Variants in SLC2A13 observed in about 807,000 individuals in gnomAD.
SLC2A13 encodes the protein solute carrier family 2 member 13, also known as proton myo-inositol cotransporter.
SLC2A13 carries 32 observed loss-of-function variants against 64.4 expected under a neutral mutation model. That is an observed-to-expected ratio of 0.50 (90% confidence interval 0.37 to 0.67). The LOEUF (loss-of-function observed/expected upper bound fraction) is 0.67, where lower values mean the gene tolerates loss of function less well. SLC2A13 is among the 30% of genes least tolerant of loss of function. SLC2A13 has a pLI of 0.00. For missense variants in SLC2A13, 743 were observed against 829.2 expected (o/e 0.90, Z 1.28); for synonymous variants, 338 against 327.1 (o/e 1.03, Z -0.36).
intron 4 of SLC2A13, among the ~76,000 whole-genome samples, chr12:39,926,077 A>C (rs1238554255): frequency 6.6e-6 from 1 of 152,164 alleles, no homozygotes; most frequent in African/African-American, 2.4e-5. Context: ...TACTCATAAC[A>C]CTGAAGCAAA....
chr12:39,919,293 A>G (rs2136052732), intron 4 of SLC2A13, among the ~76,000 whole-genome samples: 1 of 152,262 alleles, frequency 6.6e-6, no homozygotes, highest in Middle Eastern at 3.4e-3. Context: ...TTCTTGGCCA[A>G]TGCTTAAGTA....
intron 5 of SLC2A13, among the ~76,000 whole-genome samples, chr12:39,868,950 C>A (rs1410482479): frequency 6.6e-6 from 1 of 152,018 alleles, no homozygotes; most frequent in East Asian, 1.9e-4. Flanking sequence ...AAAAAATCAT[C>A]TTGATATAAC....
intron 7 of SLC2A13, among the ~76,000 whole-genome samples, chr12:39,801,966 T>G (rs1463881763): frequency 6.6e-6 from 1 of 152,170 alleles, no homozygotes; most frequent in Non-Finnish European, 1.5e-5. Context: ...CCCACAGAGC[T>G]TAGAATCTAG....
At chr12:40,040,547 T>G (rs1383656402) in intron 2 of SLC2A13, among the ~76,000 whole-genome samples, 1 of 152,152 alleles carries the variant, frequency 6.6e-6, no homozygotes, top group East Asian at 1.9e-4. Context: ...TGTGCCACTA[T>G]ATCCAGCTAA....
chr12:39,784,580 T>C (rs934106455), intron 7 of SLC2A13, among the ~76,000 whole-genome samples: 5 of 152,182 alleles, frequency 3.3e-5, no homozygotes, highest in Non-Finnish European at 7.3e-5. Context: ...TAATTCAAAA[T>C]GGATTAAATA....
intron 4 of SLC2A13, among the ~76,000 whole-genome samples, chr12:39,913,603 T>C (rs1403281974): frequency 1.3e-5 from 2 of 151,492 alleles, no homozygotes; most frequent in African/African-American, 4.8e-5. Context: ...ATTAACCAAA[T>C]GAAATATTAA....
chr12:40,033,054 G>A lies in SLC2A13; in HGVS notation c.717-4545C>T, dbSNP rs145366502. Among the ~76,000 whole-genome samples, 443 of 152,312 alleles carry A rather than the reference G, an allele frequency of 2.9e-3. 5 individuals carry two copies. The highest frequency in any genetic ancestry group is 1.0e-2 in the African/African-American group (415 of 41,552). ...CGTGTGCCAAGCACTGTTCAGAACAGTTAGGAAACATTTACTCCCATGATT... is the reference window on the plus strand; with the variant it reads ...CGTGTGCCAAGCACTGTTCAGAACAATTAGGAAACATTTACTCCCATGATT... On this transcript the variant is annotated intron_variant, in intron 2 of 9. Transcript: ENST00000280871.
intron 1 of SLC2A13, among the ~76,000 whole-genome samples, chr12:40,062,083 G>T (rs1948432705): frequency 6.6e-6 from 1 of 152,038 alleles, no homozygotes; most frequent in Non-Finnish European, 1.5e-5. Context: ...ATAAATGGTG[G>T]TGAGACAACT....
At chr12:39,804,746 T>C (rs1373846362) in intron 7 of SLC2A13, among the ~76,000 whole-genome samples, 3 of 152,148 alleles carry the variant, frequency 2.0e-5, no homozygotes, top group Admixed American at 1.3e-4. Context: ...ATGTCTAGAA[T>C]GGAGCTTACA....
intron 4 of SLC2A13, among the ~76,000 whole-genome samples, chr12:39,889,983 C>T (rs1170158567): frequency 6.6e-6 from 1 of 152,140 alleles, no homozygotes; most frequent in Non-Finnish European, 1.5e-5. Context: ...TAATATTTTA[C>T]ACTTCTACAT....
At chr12:39,819,790 C>T (rs1368631754) in intron 7 of SLC2A13, 1 of 152,496 alleles carries the variant, frequency 6.6e-6, no homozygotes, top group Admixed American at 6.6e-5. Flanking sequence ...AGGATAAATG[C>T]TCCTTTCAAT....
intron 4 of SLC2A13, among the ~76,000 whole-genome samples, chr12:39,887,615 G>C (rs1944502276): frequency 6.6e-6 from 1 of 152,218 alleles, no homozygotes; most frequent in Non-Finnish European, 1.5e-5. Context: ...CCAGAGGGTA[G>C]ACGTCCTTCT....
intron 3 of SLC2A13, among the ~76,000 whole-genome samples, chr12:40,014,941 G>A (rs1947598917): frequency 6.6e-6 from 1 of 152,156 alleles, no homozygotes; most frequent in Non-Finnish European, 1.5e-5. Flanking sequence ...AATTTTCTAA[G>A]ACCGCTGAAT....
Position 39,757,648 on chromosome 12 carries a change from A to T in SLC2A13, c.*2378T>A, listed in dbSNP as rs989081447. The T allele has an allele frequency of 6.6e-6, 1 of 152,018 alleles. No individual in the cohort carries two copies. Among genetic ancestry groups the T allele is most frequent in the Non-Finnish European group, 1.5e-5 (1 of 67,664 alleles). The allele number at this position is 152,018 out of a possible 1,614,324, so 9.4% of individuals were successfully genotyped here. ...ATATAAATAACAAATAGTCCTTTAA[A>T]GTAGGGGCTCAGGGGAGTAGGGGAG... On this transcript the variant is annotated 3_prime_UTR_variant, in exon 10 of 10. Transcript: ENST00000280871.
intron 3 of SLC2A13, among the ~76,000 whole-genome samples, chr12:40,011,344 G>A (rs995825523): frequency 6.6e-6 from 1 of 152,108 alleles, no homozygotes; most frequent in Non-Finnish European, 1.5e-5. Flanking sequence ...TGCCCACTAG[G>A]GGGCAAAATT....
intron 7 of SLC2A13, among the ~76,000 whole-genome samples, chr12:39,806,025 A>T (rs1464429554): frequency 6.6e-6 from 1 of 152,200 alleles, no homozygotes; most frequent in Non-Finnish European, 1.5e-5. Flanking sequence ...TCTGATATTG[A>T]TTGCTACCAG....
rs113266784 is a variant in SLC2A13, at chr12:39,859,544, C to G, written c.1319+5218G>C. Among the ~76,000 whole-genome samples the G allele has an allele frequency of 3.0e-3, 453 of 152,146 alleles. 5 individuals carry two copies. The highest frequency in any genetic ancestry group is 9.9e-3 in the African/African-American group (411 of 41,524). On this transcript the variant is annotated intron_variant, in intron 6 of 9. Coordinates refer to ENST00000280871, the MANE Select transcript of SLC2A13 (RefSeq NM_052885.4). ...GTTTTTGTTTGTTTGCTTTTTAAGA[C>G]AGAGTCTCCCTCTTGTCACCCAGGC...
intron 7 of SLC2A13, among the ~76,000 whole-genome samples, chr12:39,808,418 G>C (rs7136860): frequency 0.81 from 123,584 of 152,092 alleles, 50,391 homozygotes; most frequent in Non-Finnish European, 0.85. Flanking sequence ...CGACTGTGTA[G>C]AAACATTTGT....
At chr12:39,864,661 C>T in intron 6 of SLC2A13, 101 bp downstream of exon 6, 1 of 1,463,026 alleles carries the variant, frequency 6.8e-7, no homozygotes, top group Non-Finnish European at 9.2e-7. Context: ...GCCTGGATGC[C>T]CAGCAAGCTC....
Sources: gnomAD v4.1 joint callset for allele counts (sites outside exome capture counted in the v4.1 genomes callset) on GRCh38, gnomAD v4.1.1 for gene constraint, MANE v1.5 for transcripts, NCBI Gene and HGNC (gene_info 2026-07-23, HGNC 2026-07-21) for gene names.